The following PHACTR3 variants were observed in gnomAD, a reference collection of about 807,000 sequenced individuals.
PHACTR3 encodes the protein phosphatase and actin regulator 3, also known as protein phosphatase 1, regulatory subunit 123.
In PHACTR3, 16 loss-of-function variants were observed where a neutral mutation model predicts 66.8. The observed-to-expected ratio is 0.24, with a 90% CI of 0.16 to 0.36. PHACTR3 has a LOEUF of 0.36. Among genes scored for constraint, PHACTR3 ranks in the 10% least tolerant of loss-of-function variants. The probability of loss-of-function intolerance (pLI) is 1.00; values close to 1 mark genes in which losing one functional copy is unlikely to be tolerated. For synonymous variants in PHACTR3, 323 were observed against 292.1 expected (o/e 1.11, Z -1.08); for missense variants, 647 against 719.9 (o/e 0.90, Z 1.16).
intron 1 of PHACTR3, among the ~76,000 whole-genome samples, chr20:59,723,426 T>C (rs1229096668): frequency 6.6e-6 from 1 of 152,156 alleles, no homozygotes; most frequent in Non-Finnish European, 1.5e-5. Context: ...CAAGTTCACC[T>C]GCATTGCGGC....
intron 1 of PHACTR3, among the ~76,000 whole-genome samples, chr20:59,664,478 G>A (rs1336574968): frequency 6.6e-6 from 1 of 152,070 alleles, no homozygotes; most frequent in African/African-American, 2.4e-5. Context: ...CCGTTTCCTG[G>A]TGTGGCTTCA....
At chr20:59,779,244 T>C (rs1568813132) in intron 7 of PHACTR3, among the ~76,000 whole-genome samples, 1 of 152,226 alleles carries the variant, frequency 6.6e-6, no homozygotes, top group African/African-American at 2.4e-5. Context: ...GTGCTTTGCT[T>C]TTGTCACATT....
At chr20:59,752,579 G>C (rs1223476901) in intron 3 of PHACTR3, among the ~76,000 whole-genome samples, 3 of 152,258 alleles carry the variant, frequency 2.0e-5, no homozygotes, top group African/African-American at 7.2e-5. Context: ...AGTCCTTGCA[G>C]AAAACCTGCA....
intron 1 of PHACTR3, among the ~76,000 whole-genome samples, chr20:59,668,796 G>T (rs2036087249): frequency 6.6e-6 from 1 of 152,118 alleles, no homozygotes; most frequent in Non-Finnish European, 1.5e-5. Context: ...CGCCTCCTGG[G>T]TTCAAGAGGT....
rs544758750 is a variant in PHACTR3 at position 59,674,796 on chromosome 20, C to T, written c.119-68311C>T. Among the ~76,000 whole-genome samples the T allele has an allele frequency of 1.0e-3, 61 of 60,056 alleles. 1 individual carries two copies. The highest frequency in any genetic ancestry group is 3.5e-3 in the African/African-American group (34 of 9,608). 39.4% of individuals were successfully genotyped at this position (60,056 alleles called of 152,430 possible). Reference sequence around the variant, plus strand: ...CCCCTCCTTCTGTTTCCCCCCTTCTCCTCTTCCCACCTTCTCCTGTCCCCC... The same window carrying T: ...CCCCTCCTTCTGTTTCCCCCCTTCTTCTCTTCCCACCTTCTCCTGTCCCCC... On this transcript the variant is annotated intron_variant, in intron 1 of 12. Transcript: ENST00000371015.
intron 8 of PHACTR3, among the ~76,000 whole-genome samples, chr20:59,834,153 T>C (rs1286611309): frequency 2.6e-5 from 4 of 152,206 alleles, no homozygotes; most frequent in Non-Finnish European, 5.9e-5. Context: ...AAGTACCTTT[T>C]CATGGGTAAA....
At chr20:59,620,189 C>T (rs539821217) in intron 1 of PHACTR3, among the ~76,000 whole-genome samples, 47 of 152,238 alleles carry the variant, frequency 3.1e-4, no homozygotes, top group Non-Finnish European at 6.0e-4. Flanking sequence ...TTAAACTTTT[C>T]GCTTTGAAAT....
intron 7 of PHACTR3, among the ~76,000 whole-genome samples, chr20:59,786,932 A>T (rs1601356507): frequency 6.6e-6 from 1 of 151,282 alleles, no homozygotes; most frequent in Non-Finnish European, 1.5e-5. Flanking sequence ...ACTAATCACT[A>T]TTTTTTTTTC....
intron 1 of PHACTR3, among the ~76,000 whole-genome samples, chr20:59,627,851 A>G (rs936582181): frequency 6.6e-6 from 1 of 152,058 alleles, no homozygotes; most frequent in African/African-American, 2.4e-5. Flanking sequence ...TCATTTATCT[A>G]TTTTTATTTA....
chr20:59,750,008 C>T (rs1460789821), intron 3 of PHACTR3, among the ~76,000 whole-genome samples: 1 of 152,112 alleles, frequency 6.6e-6, no homozygotes, highest in Non-Finnish European at 1.5e-5. Context: ...AAAATGCACT[C>T]CTAAATTGAT....
chr20:59,752,985 A>T (rs1005360052), intron 3 of PHACTR3, among the ~76,000 whole-genome samples: 1 of 152,084 alleles, frequency 6.6e-6, no homozygotes, highest in African/African-American at 2.4e-5. Flanking sequence ...GGCTGGTTTC[A>T]GTTTTCAGCT....
chr20:59,609,872 T>C (rs781293748), intron 1 of PHACTR3, among the ~76,000 whole-genome samples: 1 of 152,228 alleles, frequency 6.6e-6, no homozygotes, highest in Non-Finnish European at 1.5e-5. Flanking sequence ...AAAAGCTAGA[T>C]GCTTAAAAAA....
intron 1 of PHACTR3, among the ~76,000 whole-genome samples, chr20:59,651,866 TAGGTAGG>T (rs2035471287): frequency 6.6e-6 from 1 of 151,302 alleles, no homozygotes; most frequent in Non-Finnish European, 1.5e-5. Context: ...GGTAGGTAGG[TAGGTAGG>T]TAGGTAGATA....
intron 1 of PHACTR3, among the ~76,000 whole-genome samples, chr20:59,710,217 T>C (rs1410129966): frequency 6.6e-6 from 1 of 152,216 alleles, no homozygotes; most frequent in African/African-American, 2.4e-5. Context: ...GCCCCATTTA[T>C]TCAGGTATTA....
chr20:59,808,280 CA>C (rs2041628391), intron 8 of PHACTR3, among the ~76,000 whole-genome samples: 1 of 152,226 alleles, frequency 6.6e-6, no homozygotes, highest in South Asian at 2.1e-4. Flanking sequence ...TGCCAAGAGC[CA>C]CTGAGCAGGC....
chr20:59,696,745 C>G (rs957829327), intron 1 of PHACTR3, among the ~76,000 whole-genome samples: 2 of 152,146 alleles, frequency 1.3e-5, no homozygotes, highest in Non-Finnish European at 2.9e-5. Context: ...TGAGGAGAGC[C>G]AGGCCAGCAT....
chr20:59,670,524 C>T (rs568053414), intron 1 of PHACTR3, among the ~76,000 whole-genome samples: 15 of 145,468 alleles, frequency 1.0e-4, no homozygotes, highest in Non-Finnish European at 1.9e-4. Flanking sequence ...AACCTGCATT[C>T]TCAATTACGT....
chr20:59,714,923 C>T (rs2038043222), intron 1 of PHACTR3, among the ~76,000 whole-genome samples: 2 of 152,222 alleles, frequency 1.3e-5, no homozygotes, highest in African/African-American at 2.4e-5. Context: ...GTATTTTATG[C>T]TGCTTTAATG....
At chr20:59,642,055 G>T (rs1032919875) in intron 1 of PHACTR3, among the ~76,000 whole-genome samples, 2 of 152,174 alleles carry the variant, frequency 1.3e-5, no homozygotes, top group African/African-American at 4.8e-5. Flanking sequence ...GAACTCCTGG[G>T]TCTGTGGGTG....
Sources: gnomAD v4.1 joint callset for allele counts (sites outside exome capture counted in the v4.1 genomes callset) on GRCh38, gnomAD v4.1.1 for gene constraint, MANE v1.5 for transcripts, NCBI Gene and HGNC (gene_info 2026-07-23, HGNC 2026-07-21) for gene names.